RBFOX3: variants seen among roughly 807,000 people sequenced by gnomAD.
RBFOX3 encodes RNA binding fox-1 homolog 3.
A neutral mutation model predicts 48.7 loss-of-function variants in RBFOX3; 17 were observed. That is an observed-to-expected ratio of 0.35 (90% CI 0.24 to 0.52). The LOEUF (loss-of-function observed/expected upper bound fraction) is 0.52. Among genes scored for constraint, RBFOX3 ranks in the 20% least tolerant of loss-of-function variants. The pLI, the probability that RBFOX3 is intolerant of heterozygous loss-of-function variation, is 0.94. For synonymous variants in RBFOX3, 212 were observed against 209.5 expected (o/e 1.01, Z -0.10); for missense variants, 382 against 497.5 (o/e 0.77, Z 2.21).
intron 1 of RBFOX3, among the ~76,000 whole-genome samples, chr17:79,491,579 G>C (rs934941470): frequency 7.2e-5 from 11 of 152,166 alleles, no homozygotes; most frequent in South Asian, 2.1e-4. Context: ...AGATGAGGAA[G>C]ACGCAAGCCA....
At chr17:79,633,347 C>T in the RBFOX3 span, among the ~76,000 whole-genome samples, 3 of 152,244 alleles carry the variant, frequency 2.0e-5, no homozygotes, top group East Asian at 1.9e-4. Context: ...CACCACCAAC[C>T]GGAGAAGCTC....
chr17:79,264,811 G>A (rs956205901), intron 3 of RBFOX3, among the ~76,000 whole-genome samples: 5 of 152,080 alleles, frequency 3.3e-5, no homozygotes, highest in Non-Finnish European at 5.9e-5. Flanking sequence ...ACCGGGCCTC[G>A]ACTTCCCCAT....
intron 4 of RBFOX3, among the ~76,000 whole-genome samples, chr17:79,211,676 A>C (rs2058401623): frequency 6.6e-6 from 1 of 152,232 alleles, no homozygotes; most frequent in South Asian, 2.1e-4. Flanking sequence ...CCAAGGTCAG[A>C]GTCCCAGGCT....
At chr17:79,647,906 C>A in the RBFOX3 span, among the ~76,000 whole-genome samples, 1 of 150,962 alleles carries the variant, frequency 6.6e-6, no homozygotes, top group Non-Finnish European at 1.5e-5. Context: ...ACAGAGCCCA[C>A]CTGGGGGTGC....
chr17:79,324,715 G>T (rs1198094479), intron 2 of RBFOX3, among the ~76,000 whole-genome samples: 1 of 152,196 alleles, frequency 6.6e-6, no homozygotes, highest in African/African-American at 2.4e-5. Flanking sequence ...GGATAGGGGA[G>T]AGCAGGCAGC....
At chr17:79,620,496 C>T in the RBFOX3 span, among the ~76,000 whole-genome samples, 10 of 136,480 alleles carry the variant, frequency 7.3e-5, no homozygotes, top group South Asian at 2.1e-4. Flanking sequence ...TGCACACACG[C>T]GCACACACAT....
chr17:79,359,177 T>C (rs998181664), intron 2 of RBFOX3, among the ~76,000 whole-genome samples: 3 of 152,240 alleles, frequency 2.0e-5, no homozygotes, highest in African/African-American at 7.2e-5. Context: ...CACCTCTTAA[T>C]GACCCCACAG....
chr17:79,155,755 A>G (rs372361945), intron 4 of RBFOX3, among the ~76,000 whole-genome samples: 49 of 152,172 alleles, frequency 3.2e-4, no homozygotes, highest in African/African-American at 1.1e-3. Context: ...GGGTGGTGGG[A>G]GTCCCCAAGA....
intron 1 of RBFOX3, among the ~76,000 whole-genome samples, chr17:79,503,994 G>GGGTGGCAGGGTGCTCCA (rs782506895): frequency 8.0e-5 from 12 of 150,444 alleles, no homozygotes; most frequent in African/African-American, 2.9e-4. Context: ...TGGGTGGGCG[G>GGGTGGCAGGGTGCTCCA]GGTGGCAGGG....
chr17:79,628,519 G>A, the RBFOX3 span, among the ~76,000 whole-genome samples: 2 of 152,190 alleles, frequency 1.3e-5, no homozygotes, highest in Non-Finnish European at 2.9e-5. Flanking sequence ...TGGGGCCAGC[G>A]AGGGGAGCCC....
intron 3 of RBFOX3, among the ~76,000 whole-genome samples, chr17:79,247,828 C>G (rs1316647855): frequency 6.6e-6 from 1 of 152,224 alleles, no homozygotes; most frequent in Non-Finnish European, 1.5e-5. Context: ...GGTTGGTAAA[C>G]CTCCCATGGG....
chr17:79,186,455 C>T (rs1347745975), intron 4 of RBFOX3, among the ~76,000 whole-genome samples: 1 of 152,220 alleles, frequency 6.6e-6, no homozygotes, highest in Non-Finnish European at 1.5e-5. Context: ...CTCATCACCT[C>T]CTACCTCCAG....
At chr17:79,139,322 T>C (rs546844175) in intron 4 of RBFOX3, among the ~76,000 whole-genome samples, 4 of 152,240 alleles carry the variant, frequency 2.6e-5, no homozygotes, top group African/African-American at 9.6e-5. Context: ...GAGCTTGCTA[T>C]GGATGCCTGC....
At chr17:79,369,805 A>G (rs2147570670) in intron 2 of RBFOX3, among the ~76,000 whole-genome samples, 1 of 152,220 alleles carries the variant, frequency 6.6e-6, no homozygotes, top group East Asian at 1.9e-4. Context: ...GCCCTGATGG[A>G]TGGAGATTTG....
At chr17:79,656,921 A>AGGAAGGAAG in the RBFOX3 span, among the ~76,000 whole-genome samples, 3 of 89,648 alleles carry the variant, frequency 3.3e-5, no homozygotes, top group Non-Finnish European at 6.5e-5. Flanking sequence ...AGGAAGGAAA[A>AGGAAGGAAG]GAAAAGAGAA....
At chr17:79,196,703 G>C (rs2055655528) in intron 4 of RBFOX3, among the ~76,000 whole-genome samples, 1 of 152,216 alleles carries the variant, frequency 6.6e-6, no homozygotes, top group Admixed American at 6.5e-5. Flanking sequence ...AGAAAGTACA[G>C]TTAACTCTCA....
intron 1 of RBFOX3, among the ~76,000 whole-genome samples, chr17:79,530,979 C>T (rs1344630183): frequency 4.6e-5 from 7 of 152,222 alleles, no homozygotes; most frequent in Non-Finnish European, 8.8e-5. Context: ...CGTGGATGGA[C>T]GTGGTGGAGT....
At chr17:79,426,286 C>T (rs1555725510) in intron 2 of RBFOX3, among the ~76,000 whole-genome samples, 2 of 152,106 alleles carry the variant, frequency 1.3e-5, no homozygotes, top group African/African-American at 4.8e-5. Flanking sequence ...GGCAGACAGT[C>T]GAGGATGGCT....
At chr17:79,306,604 C>T (rs1406263573) in intron 3 of RBFOX3, among the ~76,000 whole-genome samples, 2 of 152,212 alleles carry the variant, frequency 1.3e-5, no homozygotes, top group African/African-American at 4.8e-5. Context: ...CATCCCGAGG[C>T]CACTTCCTCC....
Sources: allele counts gnomAD v4.1 joint callset (sites outside exome capture counted in the v4.1 genomes callset), GRCh38; gene constraint gnomAD v4.1.1; transcripts MANE v1.5; gene names NCBI Gene and HGNC (gene_info 2026-07-23, HGNC 2026-07-21).